Variants in PKIA observed in about 807,000 individuals in gnomAD.
PKIA encodes the protein cAMP-dependent protein kinase inhibitor alpha.
Under a neutral mutation model 7.6 loss-of-function variants are expected in PKIA, and 4 were observed. The observed-to-expected ratio is 0.52, with a 90% CI of 0.26 to 1.20. The LOEUF (loss-of-function observed/expected upper bound fraction) is 1.20, where lower values mean the gene tolerates loss of function less well. Among genes scored for constraint, PKIA ranks in the 50% most tolerant of loss-of-function variants. The pLI is 0.13. For synonymous variants in PKIA, 21 were observed against 30.7 expected (o/e 0.68, Z 1.04); for missense variants, 73 against 86.2 (o/e 0.85, Z 0.61).
intron 2 of PKIA, among the ~76,000 whole-genome samples, chr8:78,592,332 T>C (rs1808120698): frequency 6.6e-6 from 1 of 152,154 alleles, no homozygotes; most frequent in Admixed American, 6.5e-5. Context: ...ATCTATTGTC[T>C]AGGGAAAGAA....
chr8:78,599,082 G>A (rs1808296287), intron 3 of PKIA, among the ~76,000 whole-genome samples: 2 of 152,040 alleles, frequency 1.3e-5, no homozygotes, highest in African/African-American at 4.8e-5. Context: ...GAATGGGTTT[G>A]TGAAAAATTT....
chr8:78,578,369 G>A lies in PKIA; in HGVS notation c.-28+5430G>A, dbSNP rs150897504. On this transcript the variant is annotated intron_variant, in intron 2 of 3. Transcript: ENST00000396418. ...ACTGTAATCATTCATCTTCACTTAC[G>A]GCATGCTGTAGCTGCAGTTGATAGA... Among the ~76,000 whole-genome samples the A allele has an allele frequency of 1.6e-3, 238 of 151,228 alleles. 1 individual carries two copies. The highest frequency in any genetic ancestry group is 5.4e-3 in the African/African-American group (224 of 41,228).
intron 1 of PKIA, among the ~76,000 whole-genome samples, chr8:78,555,225 G>A (rs1467080556): frequency 6.6e-6 from 1 of 151,832 alleles, no homozygotes; most frequent in Non-Finnish European, 1.5e-5. Context: ...TTTCTCCCTT[G>A]AGTCTATTTA....
chr8:78,560,293 CACTT>C (rs992384134), intron 1 of PKIA, among the ~76,000 whole-genome samples: 1 of 152,190 alleles, frequency 6.6e-6, no homozygotes, highest in Non-Finnish European at 1.5e-5. Context: ...ATTTATATAA[CACTT>C]TCTTTAAACT....
chr8:78,586,087 C>CCCTG (rs1336456429), intron 2 of PKIA, among the ~76,000 whole-genome samples: 1 of 152,092 alleles, frequency 6.6e-6, no homozygotes, highest in East Asian at 1.9e-4. Flanking sequence ...TCCACTGCAC[C>CCCTG]CCTGCTCCCT....
chr8:78,547,601 C>T (rs1043890050), intron 1 of PKIA, among the ~76,000 whole-genome samples: 6 of 152,048 alleles, frequency 3.9e-5, no homozygotes, highest in Non-Finnish European at 8.8e-5. Flanking sequence ...ATACTTGTTG[C>T]TAATTTGAGG....
At chr8:78,524,060 A>ATTTATATATATAAATATATATAAACG (rs1809484473) in intron 1 of PKIA, among the ~76,000 whole-genome samples, 1 of 82,144 alleles carries the variant, frequency 1.2e-5, no homozygotes, top group African/African-American at 8.0e-5. Flanking sequence ...ATATATAAAC[A>ATTTATATATATAAATATATATAAACG]TTTATATTTA....
chr8:78,562,541 A>G lies in PKIA; in HGVS notation c.-156-10270A>G, dbSNP rs182251015. ...TTCCAGACCTTCATGGGTTCCAGGCATGTTTGCCTTTTTCAAGTCCTGGGA... is the reference window on the plus strand; with the variant it reads ...TTCCAGACCTTCATGGGTTCCAGGCGTGTTTGCCTTTTTCAAGTCCTGGGA... On this transcript the variant is annotated intron_variant, in intron 1 of 3. Transcript: ENST00000396418. 2.0e-4 allele frequency among the ~76,000 whole-genome samples: 30 copies of G among 152,244 alleles called. No homozygotes were observed. The East Asian group carries it at 5.8e-3, about 29-fold the overall frequency.
Position 78,604,111 on chromosome 8 carries a change from G to T in PKIA, c.*2290G>T, listed in dbSNP as rs1808418840. The T allele has an allele frequency of 6.6e-6, 1 of 151,784 alleles. No individual in the cohort carries two copies. The highest frequency in any genetic ancestry group is 1.5e-5 in the Non-Finnish European group (1 of 67,908). The allele number at this position is 151,784 out of a possible 1,614,324, so 9.4% of individuals were successfully genotyped here. On this transcript the variant is annotated 3_prime_UTR_variant, in exon 4 of 4. Coordinates refer to ENST00000396418, the MANE Select transcript of PKIA (RefSeq NM_006823.4). ...AATTTTATTTTAGTTTCCTTTATTTGCCAAGAATACATATGGATTTGAATT... is the reference window on the plus strand; with the variant it reads ...AATTTTATTTTAGTTTCCTTTATTTTCCAAGAATACATATGGATTTGAATT...
chr8:78,537,313 C>A (rs933529577), intron 1 of PKIA, among the ~76,000 whole-genome samples: 2 of 151,760 alleles, frequency 1.3e-5, no homozygotes, highest in African/African-American at 4.8e-5. Context: ...AAACTTTTAG[C>A]AAAATTTATC....
chr8:78,577,565 A>G (rs1421690397), intron 2 of PKIA, among the ~76,000 whole-genome samples: 1 of 151,974 alleles, frequency 6.6e-6, no homozygotes, highest in Non-Finnish European at 1.5e-5. Context: ...AACCTAACAT[A>G]ACTTTCATGA....
rs1807916974 is a variant in PKIA, at chr8:78,585,107, T to C, written c.-28+12168T>C. ...ACATATTGTTTATCTTGTTACCTTATAAAAAATTTTTTTATTTTGTTAGTA... is the reference window on the plus strand; with the variant it reads ...ACATATTGTTTATCTTGTTACCTTACAAAAAATTTTTTTATTTTGTTAGTA... On this transcript the variant is annotated intron_variant, in intron 2 of 3. Transcript: ENST00000396418. 2.0e-5 allele frequency among the ~76,000 whole-genome samples: 3 copies of C among 152,122 alleles called. No individual in the cohort carries two copies. The South Asian group carries it at 6.2e-4, about 32-fold the overall frequency.
rs575415815 is a variant in PKIA, at chr8:78,560,367, T to A, written c.-156-12444T>A. 3.2e-4 allele frequency among the ~76,000 whole-genome samples: 49 copies of A among 152,324 alleles called. 1 individual carries two copies. The highest frequency in any genetic ancestry group is 8.5e-4 in the Admixed American group (13 of 15,288). ...TTTTCCCCACCAGAACAAATGACAG[T>A]AACATTTTGTACAAAAAGAAAACGT... On this transcript the variant is annotated intron_variant, in intron 1 of 3. Transcript: ENST00000396418.
intron 1 of PKIA, among the ~76,000 whole-genome samples, chr8:78,568,974 C>T (rs72659981): frequency 6.6e-6 from 1 of 152,228 alleles, no homozygotes; most frequent in Non-Finnish European, 1.5e-5. Flanking sequence ...CAATGGAGAG[C>T]TGAGCCTCCA....
At chr8:78,540,064 T>C (rs755719771) in intron 1 of PKIA, among the ~76,000 whole-genome samples, 6 of 145,724 alleles carry the variant, frequency 4.1e-5, no homozygotes, top group Admixed American at 1.4e-4. Context: ...AATTACAACA[T>C]CAGAGAAGAA....
At chr8:78,601,085 C>T (rs1051107328) in intron 3 of PKIA, among the ~76,000 whole-genome samples, 9 of 151,976 alleles carry the variant, frequency 5.9e-5, no homozygotes, top group African/African-American at 1.7e-4. Flanking sequence ...AAATGTTTGC[C>T]ATACCACTGG....
intron 2 of PKIA, among the ~76,000 whole-genome samples, chr8:78,592,550 G>C (rs569339511): frequency 2.0e-5 from 3 of 152,028 alleles, no homozygotes; most frequent in Admixed American, 2.0e-4. Context: ...TCATTCAATT[G>C]AAATGAAAGC....
intron 1 of PKIA, among the ~76,000 whole-genome samples, chr8:78,531,014 AC>A (rs1487779836): frequency 2.6e-5 from 4 of 152,060 alleles, no homozygotes. Flanking sequence ...CCTACTAAGT[AC>A]CCTTTCGCCG....
In PKIA at chr8:78,557,556, A is replaced by G. The variant is rs557545731; in HGVS notation, c.-156-15255A>G. Reference sequence around the variant, plus strand: ...GTAAAAGAACTCAGAACATGGGAAAAAAAGGAAAAAGAGAAAGGAAATGGC... The same window carrying G: ...GTAAAAGAACTCAGAACATGGGAAAGAAAGGAAAAAGAGAAAGGAAATGGC... On this transcript the variant is annotated intron_variant, in intron 1 of 3. Coordinates refer to ENST00000396418, the MANE Select transcript of PKIA (RefSeq NM_006823.4). 3.9e-5 allele frequency among the ~76,000 whole-genome samples: 6 copies of G among 152,334 alleles called. No homozygotes were observed. The East Asian group carries it at 9.6e-4, about 24-fold the overall frequency.
Sources: allele counts gnomAD v4.1 joint callset (sites outside exome capture counted in the v4.1 genomes callset), GRCh38; gene constraint gnomAD v4.1.1; transcripts MANE v1.5; gene names NCBI Gene and HGNC (gene_info 2026-07-23, HGNC 2026-07-21).